Variants in EPHA6 observed in about 807,000 individuals in gnomAD.
The protein encoded by EPHA6 is EPH receptor A6, also known as ephrin type-A receptor 6.
In EPHA6, 50 loss-of-function variants were observed where a neutral mutation model predicts 112.0. The ratio of observed to expected loss-of-function variants is 0.45; its 90% CI spans 0.36 to 0.56. The LOEUF (loss-of-function observed/expected upper bound fraction) is 0.56, where lower values mean the gene tolerates loss of function less well. Ranked by LOEUF, EPHA6 falls within the 20% of genes least tolerant of loss-of-function variation. The probability of loss-of-function intolerance (pLI) is 0.00; values close to 1 mark genes in which losing one functional copy is unlikely to be tolerated. For synonymous variants in EPHA6, 529 were observed against 490.7 expected (o/e 1.08, Z -1.03); for missense variants, 1,280 against 1,417.4 (o/e 0.90, Z 1.56).
At chr3:97,208,751 A>T (rs972351581) in intron 3 of EPHA6, among the ~76,000 whole-genome samples, 12 of 127,600 alleles carry the variant, frequency 9.4e-5, no homozygotes, top group Admixed American at 5.1e-4. Context: ...TGTCTCAATT[A>T]AAAAAAAAAA....
rs114000979 is a variant in EPHA6 at position 97,197,370 on chromosome 3, C to T, written c.1115-28894C>T. 3.5e-3 allele frequency among the ~76,000 whole-genome samples: 528 copies of T among 152,024 alleles called. 4 individuals are homozygous for T. Among genetic ancestry groups the T allele is most frequent in the African/African-American group, 0.011 (465 of 41,496 alleles). ...CATTGATGTTTACTCAAGGTCCAAG[C>T]GCTCTTTAGTCATCACATGGTGGAT... On this transcript the variant is annotated intron_variant, in intron 3 of 17. Transcript: ENST00000389672.
chr3:97,163,052 C>T (rs1339449423), intron 3 of EPHA6, among the ~76,000 whole-genome samples: 2 of 152,038 alleles, frequency 1.3e-5, no homozygotes, highest in Non-Finnish European at 2.9e-5. Flanking sequence ...TCAGTAGCCA[C>T]AGTTTCCACT....
At chr3:97,251,454 C>G (rs775385758) in intron 5 of EPHA6, among the ~76,000 whole-genome samples, 1 of 151,862 alleles carries the variant, frequency 6.6e-6, no homozygotes, top group Non-Finnish European at 1.5e-5. Context: ...GGCCTGAACC[C>G]AGGAGGCGGA....
At chr3:97,109,475 T>C (rs377280828) in intron 3 of EPHA6, among the ~76,000 whole-genome samples, 5 of 152,200 alleles carry the variant, frequency 3.3e-5, no homozygotes, top group African/African-American at 1.2e-4. Flanking sequence ...TAAGGATTTA[T>C]AGCTTCATGA....
intron 3 of EPHA6, among the ~76,000 whole-genome samples, chr3:97,147,442 T>G (rs950977816): frequency 6.6e-6 from 1 of 151,994 alleles, no homozygotes; most frequent in African/African-American, 2.4e-5. Flanking sequence ...TTTTTTTTTC[T>G]GCAAAGCACA....
At chr3:97,083,369 A>C (rs2046785248) in intron 3 of EPHA6, among the ~76,000 whole-genome samples, 1 of 151,986 alleles carries the variant, frequency 6.6e-6, no homozygotes, top group Admixed American at 6.6e-5. Context: ...TGCTATTAAT[A>C]ATTGAAGATT....
chr3:97,328,592 A>G (rs995142419), intron 5 of EPHA6, among the ~76,000 whole-genome samples: 1 of 152,050 alleles, frequency 6.6e-6, no homozygotes, highest in South Asian at 2.1e-4. Context: ...GTATAATCTA[A>G]GTACTACTCG....
chr3:97,520,081 C>T (rs1430035566), intron 10 of EPHA6, among the ~76,000 whole-genome samples: 1 of 151,510 alleles, frequency 6.6e-6, no homozygotes, highest in East Asian at 1.9e-4. Flanking sequence ...CATTCTCCTG[C>T]CTCAGCCTCC....
chr3:97,747,202 A>G (rs9289445), intron 16 of EPHA6, among the ~76,000 whole-genome samples: 74,433 of 151,796 alleles, frequency 0.49, 18,836 homozygotes, highest in East Asian at 0.73. Context: ...ATAGCAAAAA[A>G]CACAAAAAGA....
At chr3:97,612,494 T>C (rs567098285) in intron 13 of EPHA6, 19 of 322,084 alleles carry the variant, frequency 5.9e-5, no homozygotes, top group East Asian at 3.9e-4. Flanking sequence ...TATTAGCTTC[T>C]CCCCTAATTT....
chr3:96,897,766 C>T (rs1443316776), intron 2 of EPHA6, among the ~76,000 whole-genome samples: 1 of 152,084 alleles, frequency 6.6e-6, no homozygotes, highest in Non-Finnish European at 1.5e-5. Flanking sequence ...AGATGCATTG[C>T]AAAATTCTAA....
chr3:97,418,645 G>C (rs938563422), intron 6 of EPHA6, among the ~76,000 whole-genome samples: 4 of 152,020 alleles, frequency 2.6e-5, no homozygotes, highest in Non-Finnish European at 4.4e-5. Context: ...CAAAAAGAGG[G>C]AGTTTGTCAC....
chr3:97,050,505 A>G (rs1217154318), intron 3 of EPHA6, among the ~76,000 whole-genome samples: 1 of 152,176 alleles, frequency 6.6e-6, no homozygotes, highest in Non-Finnish European at 1.5e-5. Flanking sequence ...TTTCAAAAAT[A>G]TGTTTCCCAT....
chr3:96,981,156 T>C (rs936527897), intron 2 of EPHA6, among the ~76,000 whole-genome samples: 2 of 152,218 alleles, frequency 1.3e-5, no homozygotes, highest in Non-Finnish European at 2.9e-5. Flanking sequence ...CTTCCAGTTT[T>C]GCCCATTCAG....
intron 5 of EPHA6, among the ~76,000 whole-genome samples, chr3:97,386,150 T>G (rs1009850502): frequency 6.6e-6 from 1 of 152,154 alleles, no homozygotes; most frequent in South Asian, 2.1e-4. Context: ...TGAGACAAAG[T>G]AGCTCCCTTC....
At chr3:97,149,904 G>T (rs2076132742) in intron 3 of EPHA6, among the ~76,000 whole-genome samples, 1 of 150,406 alleles carries the variant, frequency 6.6e-6, no homozygotes, top group African/African-American at 2.4e-5. Flanking sequence ...AACAGATTTT[G>T]TCAGGATACT....
At chr3:96,829,530 C>T (rs577792228) in intron 1 of EPHA6, among the ~76,000 whole-genome samples, 1 of 152,110 alleles carries the variant, frequency 6.6e-6, no homozygotes, top group African/African-American at 2.4e-5. Flanking sequence ...TCATAAGTAC[C>T]CAGAGGAAAA....
chr3:97,389,853 A>G (rs191227533), intron 5 of EPHA6, among the ~76,000 whole-genome samples: 7 of 152,248 alleles, frequency 4.6e-5, no homozygotes, highest in African/African-American at 9.6e-5. Context: ...AAATCAGGGG[A>G]AAAAAATGAA....
chr3:97,408,164 G>A (rs1266848098), intron 6 of EPHA6, among the ~76,000 whole-genome samples: 1 of 152,042 alleles, frequency 6.6e-6, no homozygotes, highest in East Asian at 1.9e-4. Flanking sequence ...TTTTCATAAA[G>A]CACCAATCCC....
Sources: allele counts gnomAD v4.1 joint callset (sites outside exome capture counted in the v4.1 genomes callset), GRCh38; gene constraint gnomAD v4.1.1; transcripts MANE v1.5; gene names NCBI Gene and HGNC (gene_info 2026-07-23, HGNC 2026-07-21).